The following PIEZO2 variants were observed in gnomAD, a reference collection of about 807,000 sequenced individuals.
PIEZO2 encodes the protein piezo type mechanosensitive ion channel component 2.
A neutral mutation model predicts 337.3 loss-of-function variants in PIEZO2; 172 were observed. The ratio of observed to expected loss-of-function variants is 0.51; its 90% CI spans 0.45 to 0.58. PIEZO2 has a LOEUF of 0.58. PIEZO2 is among the 20% of genes least tolerant of loss of function. The pLI is 0.00. For missense variants in PIEZO2, 3,028 were observed against 3,391.3 expected, an observed-to-expected ratio of 0.89 and a Z score of 2.66; for synonymous variants, 1,251 against 1,228.5, an observed-to-expected ratio of 1.02 and a Z score of -0.38.
At chr18:10,814,068 T>C (rs140738398) in intron 7 of PIEZO2, among the ~76,000 whole-genome samples, 2,065 of 151,794 alleles carry the variant, frequency 0.014, 31 homozygotes, top group African/African-American at 0.046. Flanking sequence ...CCCTGGTTCA[T>C]GCCATCCTCC....
Position 10,871,363 on chromosome 18 carries a change from C to T in PIEZO2, c.382G>A (p.Gly128Arg), listed in dbSNP as rs2042135430. 3.3e-6 allele frequency: 5 copies of T among 1,537,286 alleles called. No homozygotes were observed. Among genetic ancestry groups the T allele is most frequent in the East Asian group, 2.4e-5 (1 of 40,918 alleles). ...NGIRVFVPDI[G>R]MFIASLTIWL... ...ATGGTCAGACTAGCAATGAACATCCCGATGTCAGGTACAAACACTCTGATC... is the reference window on the plus strand; with the variant it reads ...ATGGTCAGACTAGCAATGAACATCCTGATGTCAGGTACAAACACTCTGATC... The change falls in exon 5 of 56, where the codon GGG becomes AGG. Residue 128 changes from glycine (G) to arginine (R), a missense_variant. Physicochemically the swap from Gly to Arg is moderately radical, Grantham distance 125. Transcript: ENST00000674853.
rs2041609123 is a variant in PIEZO2 at position 10,853,262 on chromosome 18, C to T, written c.917+2091G>A. 6.6e-6 allele frequency among the ~76,000 whole-genome samples: 1 copy of T among 152,204 alleles called. No homozygotes were observed. The highest frequency in any genetic ancestry group is 1.5e-5 in the Non-Finnish European group (1 of 68,042). On this transcript the variant is annotated intron_variant, in intron 7 of 55. Transcript: ENST00000674853. This position sits in a 1 kb window ranked among gnomAD's most constrained non-coding sequence, Gnocchi z 4.2. ...GAATCAGGGGAAAAGGGGCCCAAGA[C>T]CCCGGAATCAAGCCAATGTATAAAA...
chr18:10,745,414 A>G (rs1194655441), intron 30 of PIEZO2, among the ~76,000 whole-genome samples: 2 of 152,120 alleles, frequency 1.3e-5, no homozygotes, highest in Non-Finnish European at 2.9e-5. Context: ...AGGTACTTAC[A>G]TCACTCCCCC....
rs571087399 is a variant in PIEZO2, at chr18:10,895,644, G to A, written c.329+15542C>T. 6.6e-6 allele frequency among the ~76,000 whole-genome samples: 1 copy of A among 152,204 alleles called. No individual in the cohort carries two copies. The highest frequency in any genetic ancestry group is 2.1e-4 in the South Asian group (1 of 4,822). On this transcript the variant is annotated intron_variant, in intron 4 of 55. Transcript: ENST00000674853. This position sits in a 1 kb window ranked among gnomAD's most constrained non-coding sequence, Gnocchi z 4.8. ...CCTCACTCAGGATTTGCATTGGAGT[G>A]ATCCTCAGTTTAACACCTGGGAAAT...
Position 10,871,245 on chromosome 18 carries a change from G to A in PIEZO2, c.492+8C>T. 6.5e-7 allele frequency: 1 copy of A among 1,535,084 alleles called. No homozygotes were observed. Among genetic ancestry groups the A allele is most frequent in the Non-Finnish European group, 8.7e-7 (1 of 1,145,672 alleles). On this transcript the variant is annotated splice_region_variant and intron_variant, in intron 5 of 55. Transcript: ENST00000674853. ...TCAAAGAAGGAAGAGACATGGAGTT[G>A]GATTTACCAATTCTTCATTTTCAAA...
At chr18:10,848,211 C>A (rs978837942) in intron 7 of PIEZO2, among the ~76,000 whole-genome samples, 6 of 152,204 alleles carry the variant, frequency 3.9e-5, no homozygotes, top group African/African-American at 9.7e-5. Flanking sequence ...TTCTAGATGA[C>A]CCCACTGGCT....
intron 33 of PIEZO2, among the ~76,000 whole-genome samples, chr18:10,737,134 G>A (rs939182594): frequency 1.3e-5 from 2 of 152,098 alleles, no homozygotes; most frequent in Non-Finnish European, 2.9e-5. Context: ...ATTAGGCTTT[G>A]TCTGAATGGG....
intron 39 of PIEZO2, among the ~76,000 whole-genome samples, chr18:10,714,147 G>A (rs2035922677): frequency 6.6e-6 from 1 of 152,036 alleles, no homozygotes; most frequent in Non-Finnish European, 1.5e-5. Context: ...TGCAAAACAG[G>A]GATAATAATA....
intron 39 of PIEZO2, among the ~76,000 whole-genome samples, chr18:10,711,247 G>T (rs1184665674): frequency 6.6e-6 from 1 of 152,090 alleles, no homozygotes; most frequent in Non-Finnish European, 1.5e-5. Flanking sequence ...GGGGCATACT[G>T]TTCATTGTTA....
Position 10,718,275 on chromosome 18 carries a change from A to C in PIEZO2, c.5030-16T>G, listed in dbSNP as rs1420250305. ...TCCACAGGACCTGCCAAGTGTGTTC[A>C]ATAAAGATGAGTTAAATTCCATCTA... On this transcript the variant is annotated splice_polypyrimidine_tract_variant and intron_variant, in intron 36 of 55. Coordinates refer to ENST00000674853, the MANE Select transcript of PIEZO2 (RefSeq NM_001378183.1). 4 of 1,531,988 alleles carry C rather than the reference A, an allele frequency of 2.6e-6. No individual in the cohort carries two copies. The highest frequency in any genetic ancestry group is 3.9e-5 in the Admixed American group (2 of 50,942). 94.9% of individuals were successfully genotyped at this position (1,531,988 alleles called of 1,614,324 possible). A position where few individuals can be genotyped will look rare whatever the true frequency, so the allele number is the denominator to read the frequency against.
chr18:10,755,625 G>A (rs1019851741), intron 27 of PIEZO2, among the ~76,000 whole-genome samples: 3 of 152,190 alleles, frequency 2.0e-5, no homozygotes, highest in Non-Finnish European at 4.4e-5. Flanking sequence ...CACGGTTTAA[G>A]CACAAATACT....
chr18:10,693,783 C>T (rs2143655695), intron 47 of PIEZO2, among the ~76,000 whole-genome samples: 1 of 152,048 alleles, frequency 6.6e-6, no homozygotes, highest in South Asian at 2.1e-4. Flanking sequence ...TTGTATCTAT[C>T]TTAATCTGCA....
Position 10,682,440 on chromosome 18 carries a change from T to C in PIEZO2, c.7498-148A>G. ...TTCTCTGTTCGCTCTGAAATGGGGA[T>C]AGCAACCTTGTCCCAATCTCGAAAT... On this transcript the variant is annotated intron_variant, in intron 49 of 55. Transcript: ENST00000674853. The surrounding 1 kb of genome is among the most constrained non-coding windows in gnomAD (Gnocchi z 5.6). 1 of 728,544 alleles carries C rather than the reference T, an allele frequency of 1.4e-6. No individual in the cohort carries two copies. Among genetic ancestry groups the C allele is most frequent in the Non-Finnish European group, 2.2e-6 (1 of 454,938 alleles). The allele number at this position is 728,544 out of a possible 1,614,324, so 45.1% of individuals were successfully genotyped here.
At chr18:10,744,439 G>A (rs917567450) in intron 30 of PIEZO2, among the ~76,000 whole-genome samples, 2 of 152,148 alleles carry the variant, frequency 1.3e-5, no homozygotes, top group African/African-American at 4.8e-5. Flanking sequence ...CCCTGGGAGT[G>A]AAGGGGCTGC....
rs754918082 is a variant in PIEZO2, at chr18:10,672,778, T to C, written c.8257A>G (p.Ile2753Val). The change falls in exon 55 of 56, where the codon ATA (isoleucine) becomes GTA (valine). Residue 2753 changes from isoleucine (I) to valine (V), a missense_variant. Physicochemically the swap from Ile to Val is conservative, Grantham distance 29 (BLOSUM62 3). Around this residue, in one of 5 missense-constraint regions of PIEZO2, gnomAD observed 332 missense variants for 363.8 expected, o/e 0.91. Coordinates refer to ENST00000674853, the MANE Select transcript of PIEZO2 (RefSeq NM_001378183.1). This position sits in a 1 kb window ranked among gnomAD's most constrained non-coding sequence, Gnocchi z 4.7. ...WWVLNLTGNR[I>V]YNPNSQALEL... ...AGGGCCTGAGAGTTCGGATTGTATATTCTGTTTCCAGTCAGGTTGAGAACC... is the reference window on the plus strand; with the variant it reads ...AGGGCCTGAGAGTTCGGATTGTATACTCTGTTTCCAGTCAGGTTGAGAACC... The C allele has an allele frequency of 3.1e-6, 5 of 1,614,056 alleles. No homozygotes were observed. The highest frequency in any genetic ancestry group is 4.2e-6 in the Non-Finnish European group (5 of 1,180,002).
chr18:10,725,569 C>T, intron 36 of PIEZO2: 1 of 1,368,636 alleles, frequency 7.3e-7, no homozygotes, highest in South Asian at 1.4e-5. Context: ...TCTCCCCTGT[C>T]CCTCCTGAGG....
At chr18:10,730,704 GC>G (rs1409250508) in intron 36 of PIEZO2, among the ~76,000 whole-genome samples, 3 of 151,934 alleles carry the variant, frequency 2.0e-5, no homozygotes, top group Admixed American at 6.6e-5. Context: ...TGATTAAATT[GC>G]CAAAGTTTCA....
chr18:11,113,378 T>C (rs1286211488), intron 1 of PIEZO2, among the ~76,000 whole-genome samples: 1 of 152,176 alleles, frequency 6.6e-6, no homozygotes, highest in Non-Finnish European at 1.5e-5. Flanking sequence ...ACTAACAACT[T>C]GACCAAACTT....
At position 10,704,465 on chromosome 18, in the gene PIEZO2, A is replaced by G; in HGVS notation, c.6187T>C (p.Phe2063Leu). Residue 2063 changes from phenylalanine to leucine, a missense_variant, in exon 42 of 56, where the codon TTC becomes CTC. By Grantham distance (22) the Phe-to-Leu change is conservative (BLOSUM62 0). This residue lies in a region of PIEZO2 where 1,925 missense variants were observed against 2,051.9 expected (regional missense o/e 0.94). Coordinates refer to ENST00000674853, the MANE Select transcript of PIEZO2 (RefSeq NM_001378183.1). ...MITLLLPILI[F>L]LWAMLSVPRP... ...GGGACGGACAACATGGCCCAGAGGAAGATGAGGATGGGAAGCAGGAGCGTG... is the reference window on the plus strand; with the variant it reads ...GGGACGGACAACATGGCCCAGAGGAGGATGAGGATGGGAAGCAGGAGCGTG... The G allele has an allele frequency of 6.5e-7, 1 of 1,537,258 alleles. No homozygotes were observed. Among genetic ancestry groups the G allele is most frequent in the South Asian group, 1.2e-5 (1 of 84,068 alleles).
Sources: gnomAD v4.1 joint callset for allele counts (sites outside exome capture counted in the v4.1 genomes callset) on GRCh38, gnomAD v4.1.1 for gene constraint, gnomAD v4.1.1 regional missense constraint, Gnocchi (gnomAD v3.1) non-coding constraint, MANE v1.5 for transcripts, NCBI Gene and HGNC (gene_info 2026-07-23, HGNC 2026-07-21) for gene names.